Variants in RERE observed in about 807,000 individuals in gnomAD.
The protein encoded by RERE is arginine-glutamic acid dipeptide repeats protein.
Under a neutral mutation model 146.1 loss-of-function variants are expected in RERE, and 40 were observed. That is an observed-to-expected ratio of 0.27 (90% CI 0.21 to 0.36). The LOEUF (loss-of-function observed/expected upper bound fraction) is 0.36. RERE is among the 10% of genes least tolerant of loss of function. The probability of loss-of-function intolerance (pLI) is 1.00; values close to 1 mark genes in which losing one functional copy is unlikely to be tolerated. For missense variants in RERE, 1,933 were observed against 2,138.7 expected, an observed-to-expected ratio of 0.90 and a Z score of 1.90; for synonymous variants, 1,003 against 866.0, an observed-to-expected ratio of 1.16 and a Z score of -2.78.
At chr1:8,493,542 G>C (rs1645005307) in intron 10 of RERE, among the ~76,000 whole-genome samples, 1 of 152,116 alleles carries the variant, frequency 6.6e-6, no homozygotes, top group Non-Finnish European at 1.5e-5. Context: ...TCAAAAGCAA[G>C]CTGCACAGTA....
intron 4 of RERE, among the ~76,000 whole-genome samples, chr1:8,601,016 A>ATTT: frequency 1.8e-5 from 1 of 55,156 alleles, no homozygotes; most frequent in Admixed American, 1.9e-4. Flanking sequence ...GGTCTCCCAA[A>ATTT]CTTTTTTTTT....
At chr1:8,369,299 C>A (rs1641933901) in intron 12 of RERE, among the ~76,000 whole-genome samples, 1 of 151,992 alleles carries the variant, frequency 6.6e-6, no homozygotes, top group Admixed American at 6.6e-5. Flanking sequence ...AACTTTCAAA[C>A]CTTTGCTCCT....
At chr1:8,513,328 T>G (rs547182033) in intron 7 of RERE, among the ~76,000 whole-genome samples, 1 of 152,320 alleles carries the variant, frequency 6.6e-6, no homozygotes, top group Admixed American at 6.5e-5. Flanking sequence ...AGGCATTATT[T>G]TATGTTTTTG....
At chr1:8,557,944 A>G (rs1173440434) in intron 4 of RERE, among the ~76,000 whole-genome samples, 1 of 152,204 alleles carries the variant, frequency 6.6e-6, no homozygotes, top group Non-Finnish European at 1.5e-5. Flanking sequence ...AAGGGCAATA[A>G]GGCTAGAAAG....
At chr1:8,359,665 G>A (rs566085634) in intron 19 of RERE, 99 bp downstream of exon 19, 42 of 1,330,652 alleles carry the variant, frequency 3.2e-5, no homozygotes, top group African/African-American at 2.6e-4. Flanking sequence ...CCAGGAGGCC[G>A]AGTCAGGCAG....
intron 6 of RERE, among the ~76,000 whole-genome samples, chr1:8,548,704 G>A (rs1645896898): frequency 1.3e-5 from 2 of 152,198 alleles, no homozygotes; most frequent in Admixed American, 1.3e-4. Flanking sequence ...AAATCTTCAG[G>A]CCAGGCCCAG....
chr1:8,403,825 CTTTTT>C (rs869295197), intron 12 of RERE, among the ~76,000 whole-genome samples: 3 of 70,866 alleles, frequency 4.2e-5, no homozygotes, highest in African/African-American at 1.8e-4. Context: ...AAAATCTTAG[CTTTTT>C]TTTTTTTTTT....
chr1:8,606,328 C>G (rs1223011088), intron 4 of RERE, among the ~76,000 whole-genome samples: 1 of 151,924 alleles, frequency 6.6e-6, no homozygotes, highest in Non-Finnish European at 1.5e-5. Context: ...AAGACAGATT[C>G]TAAATTTTAA....
chr1:8,593,493 CCTT>C (rs1192624882), intron 4 of RERE, among the ~76,000 whole-genome samples: 20 of 117,736 alleles, frequency 1.7e-4, no homozygotes. Flanking sequence ...TGACTTTGCT[CCTT>C]ATTTGCCTCC....
At chr1:8,558,371 T>C (rs1045789032) in intron 4 of RERE, among the ~76,000 whole-genome samples, 3 of 152,126 alleles carry the variant, frequency 2.0e-5, no homozygotes, top group Admixed American at 2.0e-4. Flanking sequence ...GGTCAAGAAA[T>C]AGCTCAACAG....
chr1:8,518,738 C>A (rs867715569), intron 7 of RERE, among the ~76,000 whole-genome samples: 3 of 152,194 alleles, frequency 2.0e-5, no homozygotes, highest in African/African-American at 7.2e-5. Flanking sequence ...CTGCCCTGAA[C>A]AAGTCTGAAA....
At chr1:8,481,177 C>T (rs1288867964) in intron 10 of RERE, among the ~76,000 whole-genome samples, 1 of 152,122 alleles carries the variant, frequency 6.6e-6, no homozygotes, top group African/African-American at 2.4e-5. Flanking sequence ...AGTGCAGTGG[C>T]GCGATCTCGG....
intron 4 of RERE, among the ~76,000 whole-genome samples, chr1:8,572,450 A>G (rs1399309243): frequency 6.6e-6 from 1 of 152,234 alleles, no homozygotes; most frequent in East Asian, 1.9e-4. Context: ...GAATCCCATG[A>G]TCTTTAAATC....
intron 15 of RERE, 120 bp downstream of exon 15, chr1:8,363,936 C>A: frequency 1.1e-6 from 1 of 892,428 alleles, no homozygotes. Flanking sequence ...AAGCAGCTCC[C>A]CTCCAGGACT....
chr1:8,558,785 T>C (rs1311837155), intron 4 of RERE, among the ~76,000 whole-genome samples: 1 of 150,840 alleles, frequency 6.6e-6, no homozygotes, highest in Non-Finnish European at 1.5e-5. Flanking sequence ...GTTATTTCTT[T>C]TTTTTTTCCT....
intron 11 of RERE, among the ~76,000 whole-genome samples, chr1:8,460,180 C>T (rs915200887): frequency 6.6e-6 from 1 of 152,072 alleles, no homozygotes; most frequent in Non-Finnish European, 1.5e-5. Flanking sequence ...TATTTTTGCC[C>T]CACTAAGCAG....
intron 11 of RERE, among the ~76,000 whole-genome samples, chr1:8,431,613 G>T (rs1394602232): frequency 6.6e-6 from 1 of 152,100 alleles, no homozygotes; most frequent in Non-Finnish European, 1.5e-5. Flanking sequence ...CTGGTCCCTG[G>T]TTCCAAAAAG....
At chr1:8,793,693 A>C (rs1345640858) in intron 1 of RERE, among the ~76,000 whole-genome samples, 1 of 152,256 alleles carries the variant, frequency 6.6e-6, no homozygotes, top group Non-Finnish European at 1.5e-5. Context: ...GAGGGCGGAA[A>C]GAAAGGACCC....
At chr1:8,649,753 T>C (rs1346704761) in intron 2 of RERE, among the ~76,000 whole-genome samples, 2 of 150,442 alleles carry the variant, frequency 1.3e-5, no homozygotes, top group African/African-American at 2.5e-5. Context: ...AAAATGTATA[T>C]ATATTATGGA....
Sources: gnomAD v4.1 joint callset for allele counts (sites outside exome capture counted in the v4.1 genomes callset) on GRCh38, gnomAD v4.1.1 for gene constraint, MANE v1.5 for transcripts, NCBI Gene and HGNC (gene_info 2026-07-23, HGNC 2026-07-21) for gene names.